Variants in RASSF5 observed in about 807,000 individuals in gnomAD.
RASSF5 encodes the protein ras association domain-containing protein 5.
A neutral mutation model predicts 40.5 loss-of-function variants in RASSF5; 25 were observed. The ratio of observed to expected loss-of-function variants is 0.62; its 90% confidence interval spans 0.45 to 0.86. The LOEUF (loss-of-function observed/expected upper bound fraction) is 0.86, where lower values mean the gene tolerates loss of function less well. RASSF5 is among the 40% of genes least tolerant of loss of function. The probability of loss-of-function intolerance (pLI) is 0.00; values close to 1 mark genes in which losing one functional copy is unlikely to be tolerated. For synonymous variants in RASSF5, 246 were observed against 252.4 expected, an observed-to-expected ratio of 0.97 and a Z score of 0.24; for missense variants, 521 against 572.8, an observed-to-expected ratio of 0.91 and a Z score of 0.92.
intron 2 of RASSF5, chr1:206,557,410 G>T: frequency 7.3e-7 from 1 of 1,372,960 alleles, no homozygotes; most frequent in Non-Finnish European, 9.4e-7. Context: ...CAGGCGGCCC[G>T]CCGGCTCTGC....
chr1:206,522,309 G>A (rs1462722091), intron 1 of RASSF5, among the ~76,000 whole-genome samples: 4 of 152,170 alleles, frequency 2.6e-5, no homozygotes, highest in Non-Finnish European at 4.4e-5. Context: ...AGACGGAACC[G>A]TAGAAAAAGG....
chr1:206,550,974 C>A (rs190065851), intron 2 of RASSF5, among the ~76,000 whole-genome samples: 2 of 152,328 alleles, frequency 1.3e-5, no homozygotes, highest in African/African-American at 4.8e-5. Context: ...GCGCTCCCAG[C>A]TCTAAAATCT....
chr1:206,535,469 A>G lies in RASSF5; in HGVS notation c.458-2703A>G, dbSNP rs1553398495. ...TTTGGAGAAAGGCATGGGGGCTCTGACTTCATCTCTGCTGGCCTAAAAGCC... is the reference window on the plus strand; with the variant it reads ...TTTGGAGAAAGGCATGGGGGCTCTGGCTTCATCTCTGCTGGCCTAAAAGCC... On this transcript the variant is annotated intron_variant, in intron 1 of 5. Coordinates refer to ENST00000579436, the MANE Select transcript of RASSF5 (RefSeq NM_182663.4). This position sits in a 1 kb window ranked among gnomAD's most constrained non-coding sequence, Gnocchi z 5.0. Among the ~76,000 whole-genome samples, 1 of 152,084 alleles carries G rather than the reference A, an allele frequency of 6.6e-6. No homozygotes were observed. Among genetic ancestry groups the G allele is most frequent in the Admixed American group, 6.6e-5 (1 of 15,264 alleles).
chr1:206,513,639 G>A lies in RASSF5; in HGVS notation c.457+5580G>A, dbSNP rs868989233. Reference sequence around the variant, plus strand: ...CATGGCTGGGTGGGGAAGGGCTGGCGGCAGCTGGGAAGGCCGGGCCTGACT... The same window carrying A: ...CATGGCTGGGTGGGGAAGGGCTGGCAGCAGCTGGGAAGGCCGGGCCTGACT... On this transcript the variant is annotated intron_variant, in intron 1 of 5. Transcript: ENST00000579436. The surrounding 1 kb of genome is among the most constrained non-coding windows in gnomAD (Gnocchi z 5.0). Among the ~76,000 whole-genome samples, 1 of 152,208 alleles carries A rather than the reference G, an allele frequency of 6.6e-6. No homozygotes were observed. Among genetic ancestry groups the A allele is most frequent in the Non-Finnish European group, 1.5e-5 (1 of 68,034 alleles).
chr1:206,523,099 G>A (rs997057054), intron 1 of RASSF5, among the ~76,000 whole-genome samples: 1 of 151,728 alleles, frequency 6.6e-6, no homozygotes, highest in Non-Finnish European at 1.5e-5. Context: ...GAGGTCAGGA[G>A]TTCAAGACTA....
intron 2 of RASSF5, among the ~76,000 whole-genome samples, chr1:206,567,555 G>A (rs1489467894): frequency 6.6e-6 from 1 of 152,120 alleles, no homozygotes; most frequent in Non-Finnish European, 1.5e-5. Flanking sequence ...CCCACACCCA[G>A]CCTTCACTGT....
At chr1:206,559,712 A>C (rs1336953980) in intron 2 of RASSF5, among the ~76,000 whole-genome samples, 1 of 152,224 alleles carries the variant, frequency 6.6e-6, no homozygotes. Context: ...AGAGAGGGTG[A>C]TCAGGGATAA....
At chr1:206,575,994 T>C (rs1338716536) in intron 2 of RASSF5, among the ~76,000 whole-genome samples, 3 of 152,184 alleles carry the variant, frequency 2.0e-5, no homozygotes, top group Non-Finnish European at 4.4e-5. Flanking sequence ...TGCCCTCCCC[T>C]GCCACCCAAT....
intron 2 of RASSF5, among the ~76,000 whole-genome samples, chr1:206,547,937 G>T (rs1026423897): frequency 6.6e-6 from 1 of 151,946 alleles, no homozygotes. Flanking sequence ...AACATTTCTT[G>T]TATTTGTGGG....
chr1:206,585,215 C>A lies in RASSF5; in HGVS notation c.1024C>A (p.Leu342Ile), dbSNP rs1553407363. The change falls in exon 5 of 6, where the codon CTC becomes ATC. Residue 342 changes from leucine (L) to isoleucine (I), a missense_variant. Coordinates refer to ENST00000579436, the MANE Select transcript of RASSF5 (RefSeq NM_182663.4). Reference protein sequence around the residue: ...FQKLSIADRPLYLRLLAGPDT... With the variant: ...FQKLSIADRPIYLRLLAGPDT... ...GAAACTCTCCATTGCTGACCGCCCC[C>A]TCTACCTGCGCCTGCTTGCTGGGCC... is the stretch of plus-strand genomic sequence containing the variant. The A allele has an allele frequency of 6.2e-7, 1 of 1,614,212 alleles. No homozygotes were observed. Among genetic ancestry groups the A allele is most frequent in the Admixed American group, 1.7e-5 (1 of 60,028 alleles).
At chr1:206,569,196 G>A (rs868954298) in intron 2 of RASSF5, among the ~76,000 whole-genome samples, 6 of 152,350 alleles carry the variant, frequency 3.9e-5, no homozygotes, top group South Asian at 2.1e-4. Context: ...GTATTCGCGG[G>A]AGCCTTCAGA....
At chr1:206,546,400 C>T (rs935401474) in intron 2 of RASSF5, among the ~76,000 whole-genome samples, 6 of 151,952 alleles carry the variant, frequency 3.9e-5, no homozygotes, top group Admixed American at 2.6e-4. Context: ...TATGAGCTAC[C>T]GCACCCGGCC....
In RASSF5 at chr1:206,508,134, C is replaced by T. The variant is rs568620971; in HGVS notation, c.457+75C>T. ...GCGAAGGACTGGGAGGGCCCTGGGGCAGGGAGAGAGGGGCCATTACACTCT... is the reference window on the plus strand; with the variant it reads ...GCGAAGGACTGGGAGGGCCCTGGGGTAGGGAGAGAGGGGCCATTACACTCT... On this transcript the variant is annotated intron_variant, in intron 1 of 5. Transcript: ENST00000579436. 142 of 1,163,324 alleles carry T rather than the reference C, an allele frequency of 1.2e-4. No individual in the cohort carries two copies. In the African/African-American group the frequency reaches 2.2e-3, roughly 18 times the overall value. The allele number at this position is 1,163,324 out of a possible 1,614,324, so 72.1% of individuals were successfully genotyped here.
intron 5 of RASSF5, 45 bp from the exon 6 acceptor site, chr1:206,586,781 T>A: frequency 6.7e-7 from 1 of 1,501,852 alleles, no homozygotes; most frequent in Admixed American, 1.7e-5. Context: ...TTCTAACCTG[T>A]CTCCTATTCT....
chr1:206,549,954 A>G (rs1667791575), intron 2 of RASSF5, among the ~76,000 whole-genome samples: 1 of 152,212 alleles, frequency 6.6e-6, no homozygotes, highest in South Asian at 2.1e-4. Flanking sequence ...GGTGAATACT[A>G]TAGGGGCCTT....
chr1:206,562,847 G>A (rs1189454181), intron 2 of RASSF5, among the ~76,000 whole-genome samples: 14 of 152,006 alleles, frequency 9.2e-5, no homozygotes, highest in African/African-American at 2.9e-4. Flanking sequence ...GTGTGAACCC[G>A]GGAGGCGGAG....
At chr1:206,586,756 T>C in intron 5 of RASSF5, 70 bp from the exon 6 acceptor site, 1 of 1,221,126 alleles carries the variant, frequency 8.2e-7, no homozygotes, top group Non-Finnish European at 1.2e-6. Context: ...GCAGGGTCTC[T>C]CAGGTCGTGT....
rs10603701 is a variant in RASSF5, at chr1:206,546,089, A to ATTTTTTTTTT, written c.579+7824_579+7833dup. On this transcript the variant is annotated intron_variant, in intron 2 of 5. Coordinates refer to ENST00000579436, the MANE Select transcript of RASSF5 (RefSeq NM_182663.4). Reference sequence around the variant, plus strand: ...TTTTTCTTTTCTTTCTTCTTTTTCTATTTTTTTTTTTTTTTTTTTTTTTTT... The same window carrying ATTTTTTTTTT: ...TTTTTCTTTTCTTTCTTCTTTTTCTATTTTTTTTTTTTTTTTTTTTTTTTTTTTTTTTTTT... Among the ~76,000 whole-genome samples the ATTTTTTTTTT allele has an allele frequency of 2.1e-4, 10 of 48,246 alleles. 2 individuals carry two copies. The highest frequency in any genetic ancestry group is 6.5e-4 in the African/African-American group (8 of 12,326). The allele number at this position is 48,246 out of a possible 152,430, so 31.7% of individuals were successfully genotyped here.
intron 2 of RASSF5, chr1:206,544,755 A>G (rs1350711106): frequency 1.3e-5 from 2 of 152,088 alleles, no homozygotes; most frequent in Admixed American, 1.3e-4. Context: ...CCCTGCTGCA[A>G]TCACCCCTCA....
Sources: gnomAD v4.1 joint callset for allele counts (sites outside exome capture counted in the v4.1 genomes callset) on GRCh38, gnomAD v4.1.1 for gene constraint, Gnocchi (gnomAD v3.1) non-coding constraint, MANE v1.5 for transcripts, NCBI Gene and HGNC (gene_info 2026-07-23, HGNC 2026-07-21) for gene names.